AOAH: variants seen among roughly 807,000 people sequenced by gnomAD.
AOAH encodes acyloxyacyl hydrolase (neutrophil).
AOAH carries 64 observed loss-of-function variants against 92.2 expected under a neutral mutation model. The ratio of observed to expected loss-of-function variants is 0.69; its 90% CI spans 0.57 to 0.86. AOAH has a LOEUF of 0.86. AOAH is among the 40% of genes least tolerant of loss of function. The probability of loss-of-function intolerance (pLI) is 0.00; values close to 1 mark genes in which losing one functional copy is unlikely to be tolerated. For missense variants in AOAH, 656 were observed against 694.6 expected, an observed-to-expected ratio of 0.94 and a Z score of 0.62; for synonymous variants, 263 against 254.5, an observed-to-expected ratio of 1.03 and a Z score of -0.32.
chr7:36,552,643 C>A (rs752939285), intron 13 of AOAH, among the ~76,000 whole-genome samples: 1 of 152,204 alleles, frequency 6.6e-6, no homozygotes, highest in Non-Finnish European at 1.5e-5. Flanking sequence ...ATTCCTATTT[C>A]TCCACAACCT....
chr7:36,640,140 G>T (rs1793805136), intron 4 of AOAH, among the ~76,000 whole-genome samples: 1 of 152,076 alleles, frequency 6.6e-6, no homozygotes, highest in African/African-American at 2.4e-5. Flanking sequence ...CCAGGGCCGG[G>T]GCTGCAGGGA....
intron 12 of AOAH, among the ~76,000 whole-genome samples, chr7:36,579,127 G>A (rs998133457): frequency 6.6e-6 from 1 of 151,856 alleles, no homozygotes. Context: ...CCGCCTCCAT[G>A]TTTCAATCAC....
At chr7:36,609,999 T>G (rs1216832671) in intron 11 of AOAH, among the ~76,000 whole-genome samples, 1 of 152,000 alleles carries the variant, frequency 6.6e-6, no homozygotes, top group African/African-American at 2.4e-5. Context: ...GTGTCTGAGC[T>G]CAACACACCT....
intron 4 of AOAH, among the ~76,000 whole-genome samples, chr7:36,648,729 G>T (rs1051169512): frequency 6.6e-6 from 1 of 150,898 alleles, no homozygotes; most frequent in Non-Finnish European, 1.5e-5. Context: ...CAAATGTCTA[G>T]TCTTTAGTCC....
intron 1 of AOAH, among the ~76,000 whole-genome samples, chr7:36,707,406 A>T (rs1463799663): frequency 6.6e-6 from 1 of 152,146 alleles, no homozygotes; most frequent in Non-Finnish European, 1.5e-5. Context: ...ACAGAGCCAC[A>T]CTACAGATAT....
chr7:36,648,751 T>G (rs944899403), intron 4 of AOAH, among the ~76,000 whole-genome samples: 7 of 152,160 alleles, frequency 4.6e-5, no homozygotes, highest in African/African-American at 1.7e-4. Flanking sequence ...CTGTATTTAT[T>G]GAGTAATCCA....
At chr7:36,592,593 T>C (rs113012381) in intron 12 of AOAH, among the ~76,000 whole-genome samples, 16 of 152,192 alleles carry the variant, frequency 1.1e-4, no homozygotes, top group Non-Finnish European at 2.4e-4. Flanking sequence ...CATATCTTTG[T>C]TATGATATGA....
intron 14 of AOAH, among the ~76,000 whole-genome samples, 182 bp from the exon 15 acceptor site, chr7:36,548,868 A>G (rs1785990262): frequency 6.6e-6 from 1 of 152,212 alleles, no homozygotes. Flanking sequence ...ATTCTCTATA[A>G]TCATTATCCC....
At chr7:36,549,332 C>A in intron 14 of AOAH, 107 bp downstream of exon 14, 2 of 843,418 alleles carry the variant, frequency 2.4e-6, no homozygotes, top group Non-Finnish European at 3.9e-6. Flanking sequence ...TAGTGACTAA[C>A]AAGCTATTTA....
At chr7:36,700,313 C>T (rs531561054) in intron 1 of AOAH, among the ~76,000 whole-genome samples, 1 of 152,156 alleles carries the variant, frequency 6.6e-6, no homozygotes, top group Admixed American at 6.5e-5. Context: ...AGTAATTTCT[C>T]TTTCCTCACT....
chr7:36,624,419 C>G (rs907598352), intron 6 of AOAH, among the ~76,000 whole-genome samples: 1 of 152,194 alleles, frequency 6.6e-6, no homozygotes, highest in African/African-American at 2.4e-5. Flanking sequence ...AAATGGCAGC[C>G]TGGAGCCTGT....
At chr7:36,556,524 A>T (rs1246285744) in intron 13 of AOAH, among the ~76,000 whole-genome samples, 32 of 151,538 alleles carry the variant, frequency 2.1e-4, no homozygotes, top group African/African-American at 7.5e-4. Context: ...GCTGAGTTCA[A>T]TTCCTGGGTA....
At chr7:36,602,345 A>T (rs916228669) in intron 11 of AOAH, among the ~76,000 whole-genome samples, 4 of 152,006 alleles carry the variant, frequency 2.6e-5, no homozygotes, top group Non-Finnish European at 5.9e-5. Flanking sequence ...TATTTATTCA[A>T]TGAATGAGTC....
At chr7:36,672,902 TAATG>T (rs1268991880) in intron 3 of AOAH, among the ~76,000 whole-genome samples, 3 of 152,182 alleles carry the variant, frequency 2.0e-5, no homozygotes, top group Non-Finnish European at 2.9e-5. Flanking sequence ...TATTATATGA[TAATG>T]AATGATTTAT....
chr7:36,587,253 T>TAG (rs1211500609), intron 12 of AOAH, among the ~76,000 whole-genome samples: 1 of 112,628 alleles, frequency 8.9e-6, no homozygotes, highest in African/African-American at 3.6e-5. Context: ...GCCTGGGCAA[T>TAG]AGAGAGAGAC....
rs756515885 is a variant in AOAH at position 36,513,176 on chromosome 7, C to G, written c.*76G>C. 8.1e-5 allele frequency: 131 copies of G among 1,613,970 alleles called. 2 individuals are homozygous for G. Among genetic ancestry groups the G allele is most frequent in the Middle Eastern group, 1.6e-4 (1 of 6,062 alleles). Reference sequence around the variant, plus strand: ...CTTTGGGCCTGTGACGTGGCAGCCCCCATAGGGTTTGTGGAATGAGTTTAC... The same window carrying G: ...CTTTGGGCCTGTGACGTGGCAGCCCGCATAGGGTTTGTGGAATGAGTTTAC... On this transcript the variant is annotated 3_prime_UTR_variant, in exon 21 of 21. Transcript: ENST00000617537.
chr7:36,670,618 G>T (rs1287180684), intron 3 of AOAH, among the ~76,000 whole-genome samples: 1 of 152,078 alleles, frequency 6.6e-6, no homozygotes, highest in Non-Finnish European at 1.5e-5. Context: ...GGGACTACAG[G>T]CGCGCGCCAC....
intron 4 of AOAH, among the ~76,000 whole-genome samples, chr7:36,640,735 T>C: frequency 6.6e-6 from 1 of 151,992 alleles, no homozygotes; most frequent in Non-Finnish European, 1.5e-5. Context: ...ATTCAGAAAA[T>C]GGCAATTGAC....
At chr7:36,603,478 G>C (rs868037304) in intron 11 of AOAH, among the ~76,000 whole-genome samples, 1 of 152,158 alleles carries the variant, frequency 6.6e-6, no homozygotes, top group Non-Finnish European at 1.5e-5. Context: ...TCCTCTTCTA[G>C]GTCTCATGGT....
Sources: allele counts gnomAD v4.1 joint callset (sites outside exome capture counted in the v4.1 genomes callset), GRCh38; gene constraint gnomAD v4.1.1; transcripts MANE v1.5; gene names NCBI Gene and HGNC (gene_info 2026-07-23, HGNC 2026-07-21).